ASTN1: variants seen among roughly 807,000 people sequenced by gnomAD.
ASTN1 encodes the protein astrotactin 1, also known as astrotactin-1.
In ASTN1, 41 loss-of-function variants were observed where a neutral mutation model predicts 140.7. The observed-to-expected ratio is 0.29, with a 90% CI of 0.23 to 0.38. The LOEUF (loss-of-function observed/expected upper bound fraction) is 0.38, where lower values mean the gene tolerates loss of function less well. ASTN1 is among the 10% of genes least tolerant of loss of function. The pLI is 1.00. For synonymous variants in ASTN1, 640 were observed against 652.2 expected (o/e 0.98, Z 0.29); for missense variants, 1,479 against 1,678.8 (o/e 0.88, Z 2.08).
intron 1 of ASTN1, among the ~76,000 whole-genome samples, chr1:177,108,444 A>G (rs1571795257): frequency 6.6e-6 from 1 of 152,158 alleles, no homozygotes; most frequent in East Asian, 1.9e-4. Context: ...TATAAGTGAA[A>G]TCATACAGTA....
At chr1:176,911,290 C>T (rs888753627) in intron 16 of ASTN1, among the ~76,000 whole-genome samples, 1 of 152,132 alleles carries the variant, frequency 6.6e-6, no homozygotes, top group Non-Finnish European at 1.5e-5. Flanking sequence ...CATTACAGTA[C>T]ACTCCTGCAG....
At chr1:177,161,483 A>T (rs1392103590) in intron 1 of ASTN1, among the ~76,000 whole-genome samples, 1 of 152,212 alleles carries the variant, frequency 6.6e-6, no homozygotes, top group Admixed American at 6.5e-5. Flanking sequence ...CAGAAATGGG[A>T]TAGAGGCTTC....
At chr1:176,937,095 ATAG>A in intron 14 of ASTN1, among the ~76,000 whole-genome samples, 1 of 152,232 alleles carries the variant, frequency 6.6e-6, no homozygotes, top group Non-Finnish European at 1.5e-5. Context: ...TAATATCCCC[ATAG>A]CAAATTTATA....
At chr1:177,093,104 G>GA (rs1378727645) in intron 1 of ASTN1, among the ~76,000 whole-genome samples, 2 of 152,134 alleles carry the variant, frequency 1.3e-5, no homozygotes, top group Non-Finnish European at 2.9e-5. Context: ...CCAGTACCTA[G>GA]AAAAAAGTCT....
At chr1:176,880,330 T>A (rs1668744717) in intron 20 of ASTN1, among the ~76,000 whole-genome samples, 1 of 152,170 alleles carries the variant, frequency 6.6e-6, no homozygotes, top group Non-Finnish European at 1.5e-5. Flanking sequence ...ACTTTCCCAC[T>A]TTCCTTCTCC....
intron 16 of ASTN1, among the ~76,000 whole-genome samples, chr1:176,897,106 C>T (rs1557943274): frequency 6.6e-6 from 1 of 152,128 alleles, no homozygotes; most frequent in East Asian, 1.9e-4. Flanking sequence ...GAAACCCCGT[C>T]TCTACTAAAA....
intron 1 of ASTN1, among the ~76,000 whole-genome samples, chr1:177,109,439 CAG>C (rs375242881): frequency 8.2e-4 from 123 of 149,206 alleles, no homozygotes; most frequent in Middle Eastern, 6.9e-3. Context: ...CACACACATA[CAG>C]AGAGAGAGAG....
At chr1:177,113,289 G>T (rs570654108) in intron 1 of ASTN1, among the ~76,000 whole-genome samples, 3 of 152,272 alleles carry the variant, frequency 2.0e-5, no homozygotes, top group East Asian at 3.9e-4. Flanking sequence ...AGAGCCCACT[G>T]TCCCCCCAAC....
intron 1 of ASTN1, among the ~76,000 whole-genome samples, chr1:177,064,720 T>C (rs1368321486): frequency 6.6e-6 from 1 of 152,254 alleles, no homozygotes; most frequent in Non-Finnish European, 1.5e-5. Context: ...GCACCATGCC[T>C]ACCAAGGGTG....
At chr1:176,976,385 C>T (rs1178646584) in intron 8 of ASTN1, 3 of 152,196 alleles carry the variant, frequency 2.0e-5, no homozygotes, top group Non-Finnish European at 4.4e-5. Flanking sequence ...CCTCCTCTCT[C>T]ACCCTGCTAG....
intron 7 of ASTN1, among the ~76,000 whole-genome samples, chr1:177,021,967 C>T (rs912292469): frequency 6.6e-6 from 1 of 152,166 alleles, no homozygotes; most frequent in African/African-American, 2.4e-5. Context: ...TGCCTGACAG[C>T]GTGGGAGGAG....
intron 4 of ASTN1, 67 bp from the exon 5 acceptor site, chr1:177,029,808 G>A (rs1444243840): frequency 2.1e-6 from 3 of 1,429,564 alleles, no homozygotes; most frequent in Admixed American, 2.2e-5. Flanking sequence ...AAACCTTTGG[G>A]CAAGTTCAAT....
chr1:177,108,969 A>G (rs1396435080), intron 1 of ASTN1, among the ~76,000 whole-genome samples: 1 of 152,136 alleles, frequency 6.6e-6, no homozygotes, highest in African/African-American at 2.4e-5. Flanking sequence ...TTTTGTAGCT[A>G]GGTAGAGAAG....
At position 177,061,285 on chromosome 1, in the gene ASTN1, G is replaced by T; in HGVS notation, c.284-20C>A. The T allele has an allele frequency of 6.8e-7, 1 of 1,481,316 alleles. No homozygotes were observed. Among genetic ancestry groups the T allele is most frequent in the Non-Finnish European group, 9.0e-7 (1 of 1,110,060 alleles). 91.8% of individuals were successfully genotyped at this position (1,481,316 alleles called of 1,614,324 possible). ...AGATCTCTAGAAGATGAACACCAAA[G>T]GCACAGGTGAGAATTAGGATGGGAC... On this transcript the variant is annotated intron_variant, in intron 1 of 22. Transcript: ENST00000361833.
chr1:177,098,094 G>T (rs1680115138), intron 1 of ASTN1, among the ~76,000 whole-genome samples: 1 of 152,174 alleles, frequency 6.6e-6, no homozygotes, highest in Non-Finnish European at 1.5e-5. Flanking sequence ...TGAAGGAGAG[G>T]GTTGTGGGAA....
chr1:176,901,308 C>T (rs1164744869), intron 16 of ASTN1, among the ~76,000 whole-genome samples: 4 of 152,134 alleles, frequency 2.6e-5, no homozygotes, highest in Non-Finnish European at 5.9e-5. Flanking sequence ...GGGATGTGAG[C>T]ACTTAAGCTT....
intron 8 of ASTN1, among the ~76,000 whole-genome samples, chr1:176,979,472 G>A (rs978144250): frequency 2.6e-5 from 4 of 152,060 alleles, no homozygotes; most frequent in Admixed American, 6.6e-5. Flanking sequence ...GAGAGGCCCC[G>A]GTTCCCCCAT....
chr1:177,136,977 T>C (rs1340697845), intron 1 of ASTN1, among the ~76,000 whole-genome samples: 1 of 152,194 alleles, frequency 6.6e-6, no homozygotes, highest in Admixed American at 6.5e-5. Context: ...TTGCAGGATG[T>C]TTGGCCGAAT....
intron 5 of ASTN1, among the ~76,000 whole-genome samples, chr1:177,025,153 A>C (rs1350371058): frequency 6.6e-6 from 1 of 152,318 alleles, no homozygotes; most frequent in East Asian, 1.9e-4. Context: ...CTCCACCCCC[A>C]TAGTGCACAC....
Sources: gnomAD v4.1 joint callset for allele counts (sites outside exome capture counted in the v4.1 genomes callset) on GRCh38, gnomAD v4.1.1 for gene constraint, MANE v1.5 for transcripts, NCBI Gene and HGNC (gene_info 2026-07-23, HGNC 2026-07-21) for gene names.